Variants in TOPAZ1 observed in about 807,000 individuals in gnomAD.
The protein encoded by TOPAZ1 is protein TOPAZ1.
A neutral mutation model predicts 172.2 loss-of-function variants in TOPAZ1; 66 were observed. That is an observed-to-expected ratio of 0.38 (90% CI 0.31 to 0.47). The LOEUF (loss-of-function observed/expected upper bound fraction) is 0.47, where lower values mean the gene tolerates loss of function less well. TOPAZ1 is among the 20% of genes least tolerant of loss of function. The pLI, the probability that TOPAZ1 is intolerant of heterozygous loss-of-function variation, is 0.99. For synonymous variants in TOPAZ1, 681 were observed against 683.9 expected (o/e 1.00, Z 0.07); for missense variants, 1,822 against 1,972.4 (o/e 0.92, Z 1.44).
At chr3:44,283,844 A>C (rs1029649391) in intron 9 of TOPAZ1, among the ~76,000 whole-genome samples, 1 of 152,216 alleles carries the variant, frequency 6.6e-6, no homozygotes, top group Non-Finnish European at 1.5e-5. Flanking sequence ...AGTTTAATGC[A>C]TATTTCCGAA....
chr3:44,319,102 C>T (rs931184413), intron 16 of TOPAZ1, among the ~76,000 whole-genome samples: 12 of 152,150 alleles, frequency 7.9e-5, no homozygotes, highest in South Asian at 2.1e-4. Flanking sequence ...CCTTCCCCCA[C>T]GGCCAGGTGG....
intron 2 of TOPAZ1, among the ~76,000 whole-genome samples, chr3:44,251,244 C>G (rs1428908650): frequency 6.6e-6 from 1 of 152,126 alleles, no homozygotes; most frequent in Non-Finnish European, 1.5e-5. Flanking sequence ...CCTCAGCCTT[C>G]CAAGTAGCTG....
chr3:44,243,613 T>C lies in TOPAZ1; in HGVS notation c.1107T>C (p.Gly369=). The change falls in exon 2 of 20, where the codon GGT becomes GGC. Residue 369 remains glycine, a synonymous_variant. Coordinates refer to ENST00000309765, the MANE Select transcript of TOPAZ1 (RefSeq NM_001145030.2). ...AAGAAAATCAAATGATTGCTGATGGTAAAGAAGCAGAGACTAAAAGTCCTT... is the reference window on the plus strand; with the variant it reads ...AAGAAAATCAAATGATTGCTGATGGCAAAGAAGCAGAGACTAAAAGTCCTT... ...MLQENQMIAD[G]KEAETKSPLN... 1 of 1,550,434 alleles carries C rather than the reference T, an allele frequency of 6.4e-7. No individual in the cohort carries two copies.
At chr3:44,329,919 T>C (rs1162818345) in intron 19 of TOPAZ1, among the ~76,000 whole-genome samples, 4 of 152,200 alleles carry the variant, frequency 2.6e-5, no homozygotes, top group Non-Finnish European at 5.9e-5. Context: ...TCTTTATCTT[T>C]CAAGGTTGTT....
intron 18 of TOPAZ1, among the ~76,000 whole-genome samples, chr3:44,325,825 T>C (rs1700594362): frequency 6.6e-6 from 1 of 152,088 alleles, no homozygotes; most frequent in African/African-American, 2.4e-5. Context: ...GTATTTTTAG[T>C]AGAGATGGGG....
intron 9 of TOPAZ1, among the ~76,000 whole-genome samples, chr3:44,284,622 C>T (rs895317510): frequency 6.6e-6 from 1 of 152,068 alleles, no homozygotes; most frequent in Non-Finnish European, 1.5e-5. Flanking sequence ...TCAGTTCTTT[C>T]GGGTATATAC....
chr3:44,322,275 G>A (rs1223751202), intron 17 of TOPAZ1, among the ~76,000 whole-genome samples: 6 of 152,112 alleles, frequency 3.9e-5, no homozygotes, highest in Admixed American at 1.3e-4. Context: ...ATAACTGAAG[G>A]AATAGAAAAT....
At chr3:44,257,401 G>A (rs1459277567) in intron 4 of TOPAZ1, among the ~76,000 whole-genome samples, 2 of 77,860 alleles carry the variant, frequency 2.6e-5, no homozygotes, top group Non-Finnish European at 5.1e-5. Context: ...GTGTGTGTGT[G>A]TGTGTGTCTA....
intron 8 of TOPAZ1, among the ~76,000 whole-genome samples, chr3:44,276,687 G>A (rs1575717372): frequency 1.4e-5 from 1 of 73,582 alleles, no homozygotes; most frequent in Admixed American, 1.9e-4. Flanking sequence ...GCTCTTTTTT[G>A]GTTCCATGTG....
At chr3:44,285,289 C>T (rs1005428476) in intron 9 of TOPAZ1, among the ~76,000 whole-genome samples, 3 of 151,842 alleles carry the variant, frequency 2.0e-5, no homozygotes, top group Non-Finnish European at 4.4e-5. Context: ...TGGCGAAACC[C>T]CATCTCTATA....
rs984408647 is a variant in TOPAZ1 at position 44,244,767 on chromosome 3, T to G, written c.2261T>G (p.Val754Gly). Residue 754 changes from valine (V) to glycine (G), a missense_variant, in exon 2 of 20, where the codon GTG (valine) becomes GGG (glycine). By Grantham distance (109) the Val-to-Gly change is moderately radical (BLOSUM62 -3). Transcript: ENST00000309765. ...AGCATACGAAATAGTGTAACTCCAG[T>G]GCAAGCTAGTTCTGACTCATTCTAC... ...TLSIRNSVTP[V>G]QASSDSFYNK... is the part of the protein sequence containing the mutation. 6.4e-7 allele frequency: 1 copy of G among 1,551,618 alleles called. No individual in the cohort carries two copies. The highest frequency in any genetic ancestry group is 8.7e-7 in the Non-Finnish European group (1 of 1,146,976).
chr3:44,285,841 T>G (rs181195671), intron 9 of TOPAZ1, among the ~76,000 whole-genome samples: 1 of 151,814 alleles, frequency 6.6e-6, no homozygotes, highest in Non-Finnish European at 1.5e-5. Flanking sequence ...GTGCTGGAAT[T>G]ACAGGTGCGA....
intron 12 of TOPAZ1, among the ~76,000 whole-genome samples, chr3:44,298,669 A>G (rs140462795): frequency 0.014 from 2,095 of 151,516 alleles, 26 homozygotes; most frequent in Middle Eastern, 0.027. Context: ...GAAGAAAGCT[A>G]GTTTTTAAAC....
In TOPAZ1 at chr3:44,323,117, C is replaced by G; in HGVS notation, c.4497C>G (p.Ser1499Arg). 1 of 1,541,076 alleles carries G rather than the reference C, an allele frequency of 6.5e-7. No individual in the cohort carries two copies. Among genetic ancestry groups the G allele is most frequent in the Non-Finnish European group, 8.8e-7 (1 of 1,141,960 alleles). ...SQETVEVSQY[S>R]LLFNKLLGSC... ...AAACTGTGGAAGTCTCACAATATAGCCTTCTTTTTAATAAGCTTCTAGGTT... is the reference window on the plus strand; with the variant it reads ...AAACTGTGGAAGTCTCACAATATAGGCTTCTTTTTAATAAGCTTCTAGGTT... Residue 1499 changes from serine to arginine, a missense_variant, in exon 18 of 20, where the codon AGC becomes AGG. By Grantham distance (110) the Ser-to-Arg change is moderately radical. Coordinates refer to ENST00000309765, the MANE Select transcript of TOPAZ1 (RefSeq NM_001145030.2).
rs549655953 is a variant in TOPAZ1, at chr3:44,243,299, C to G, written c.793C>G (p.Leu265Val). Residue 265 changes from leucine (L) to valine (V), a missense_variant, in exon 2 of 20, where the codon CTT becomes GTT. Physicochemically the swap from Leu to Val is conservative, Grantham distance 32. Coordinates refer to ENST00000309765, the MANE Select transcript of TOPAZ1 (RefSeq NM_001145030.2). ...VAENFSKKEN[L>V]RSLAEKSDTN... Reference sequence around the variant, plus strand: ...AGAAAATTTCTCAAAGAAAGAAAACCTTAGGAGTCTTGCAGAGAAGAGTGA... The same window carrying G: ...AGAAAATTTCTCAAAGAAAGAAAACGTTAGGAGTCTTGCAGAGAAGAGTGA... The G allele has an allele frequency of 3.2e-6, 5 of 1,551,248 alleles. 1 individual carries two copies. In the South Asian group the frequency reaches 3.6e-5, roughly 11 times the overall value.
At chr3:44,322,311 G>T (rs1403176139) in intron 17 of TOPAZ1, among the ~76,000 whole-genome samples, 2 of 152,082 alleles carry the variant, frequency 1.3e-5, no homozygotes, top group Non-Finnish European at 2.9e-5. Flanking sequence ...TTTAAATTTG[G>T]CAGTAAATAT....
intron 12 of TOPAZ1, among the ~76,000 whole-genome samples, chr3:44,301,392 A>G (rs1050238985): frequency 2.0e-5 from 3 of 152,216 alleles, no homozygotes; most frequent in African/African-American, 7.2e-5. Context: ...TTGTGAAGAT[A>G]AGTATATAAC....
In TOPAZ1 at chr3:44,242,236, C is replaced by A; in HGVS notation, c.183C>A (p.Gly61=). 6.5e-7 allele frequency: 1 copy of A among 1,546,302 alleles called. No homozygotes were observed. The highest frequency in any genetic ancestry group is 2.5e-5 in the East Asian group (1 of 40,776). The part of the protein sequence containing the change: ...RMVARATPGR[G]EVESDKSVAA... Reference sequence around the variant, plus strand: ...TGGCCCGGGCCACCCCTGGGAGAGGCGAGGTGGAAAGTGATAAGTCGGTTG... The same window carrying A: ...TGGCCCGGGCCACCCCTGGGAGAGGAGAGGTGGAAAGTGATAAGTCGGTTG... The change falls in exon 1 of 20, where the codon GGC becomes GGA. Residue 61 remains glycine (G), a synonymous_variant. Coordinates refer to ENST00000309765, the MANE Select transcript of TOPAZ1 (RefSeq NM_001145030.2).
In TOPAZ1 at chr3:44,328,380, T is replaced by C; in HGVS notation, c.4806T>C (p.Ser1602=). The change falls in exon 19 of 20, where the codon AGT becomes AGC. Residue 1602 remains serine, a synonymous_variant. Transcript: ENST00000309765. ...AIEIFMVSNA[S]SIQSPGTSTQ... ...AAATCTTCATGGTATCTAATGCTAG[T>C]AGTATTCAGAGTCCTGGAACTTCTA... 1 of 1,523,606 alleles carries C rather than the reference T, an allele frequency of 6.6e-7. No individual in the cohort carries two copies. The highest frequency in any genetic ancestry group is 1.3e-5 in the South Asian group (1 of 78,698). The allele number at this position is 1,523,606 out of a possible 1,614,324, so 94.4% of individuals were successfully genotyped here. A position where few individuals can be genotyped will look rare whatever the true frequency, so the allele number is the denominator to read the frequency against.
Sources: gnomAD v4.1 joint callset for allele counts (sites outside exome capture counted in the v4.1 genomes callset) on GRCh38, gnomAD v4.1.1 for gene constraint, MANE v1.5 for transcripts, NCBI Gene and HGNC (gene_info 2026-07-23, HGNC 2026-07-21) for gene names.